Variants in SASH1 observed in about 807,000 individuals in gnomAD.
SASH1 encodes the protein SAM and SH3 domain containing 1.
SASH1 carries 44 observed loss-of-function variants against 125.2 expected under a neutral mutation model. The observed-to-expected ratio is 0.35, with a 90% CI of 0.28 to 0.45. The LOEUF is 0.45. Among genes scored for constraint, SASH1 ranks in the 20% least tolerant of loss-of-function variants. The probability of loss-of-function intolerance (pLI) is 1.00; values close to 1 mark genes in which losing one functional copy is unlikely to be tolerated. For missense variants in SASH1, 1,426 were observed against 1,614.5 expected, an observed-to-expected ratio of 0.88 and a Z score of 2.00; for synonymous variants, 639 against 649.1, an observed-to-expected ratio of 0.98 and a Z score of 0.24.
At chr6:148,211,120 C>A in the SASH1 span, among the ~76,000 whole-genome samples, 2 of 152,188 alleles carry the variant, frequency 1.3e-5, no homozygotes, top group African/African-American at 4.8e-5. Flanking sequence ...AGATATGCTA[C>A]CTACCTCAGA....
chr6:148,332,116 TCAC>T (rs1462770260), intron 1 of SASH1, among the ~76,000 whole-genome samples: 1 of 152,194 alleles, frequency 6.6e-6, no homozygotes, highest in African/African-American at 2.4e-5. Context: ...CCCACTTCTT[TCAC>T]CAAACACTCC....
At position 148,531,527 on chromosome 6, in the gene SASH1, A is replaced by G; in HGVS notation, c.1430A>G (p.Asp477Gly). ...TCATTTTGTTGAAACCCATGGCAGG[A>G]CTCGGGCCTTGATGGAATGCCTGGC... ...KKYSSSVSEQ[D>G]SGLDGMPGSP... The change falls in exon 13 of 20, where the codon GAC becomes GGC. Residue 477 changes from aspartate (D) to glycine (G), a missense_variant and splice_region_variant. Physicochemically the swap from Asp to Gly is moderately conservative, Grantham distance 94 (BLOSUM62 -1). Around this residue, in one of 3 missense-constraint regions of SASH1, gnomAD observed 225 missense variants for 344.5 expected, o/e 0.65. Transcript: ENST00000367467. The G allele has an allele frequency of 6.6e-7, 1 of 1,524,446 alleles. No individual in the cohort carries two copies. The highest frequency in any genetic ancestry group is 1.3e-5 in the South Asian group (1 of 77,832). The allele number at this position is 1,524,446 out of a possible 1,614,324, so 94.4% of individuals were successfully genotyped here. A position where few individuals can be genotyped will look rare whatever the true frequency, so the allele number is the denominator to read the frequency against.
At chr6:148,224,413 T>A in the SASH1 span, among the ~76,000 whole-genome samples, 10 of 151,536 alleles carry the variant, frequency 6.6e-5, no homozygotes, top group Non-Finnish European at 1.2e-4. Flanking sequence ...CGGGCTGGAG[T>A]GCAGTGGTGC....
At chr6:148,499,617 A>G (rs367910822) in intron 8 of SASH1, among the ~76,000 whole-genome samples, 8 of 152,294 alleles carry the variant, frequency 5.3e-5, no homozygotes, top group African/African-American at 1.7e-4. Context: ...GCCCCAGCAA[A>G]GAGGGTCTGG....
intron 1 of SASH1, among the ~76,000 whole-genome samples, chr6:148,318,602 G>A (rs1053386000): frequency 1.4e-5 from 2 of 145,824 alleles, no homozygotes; most frequent in Non-Finnish European, 3.0e-5. Flanking sequence ...GCCGAGGCTG[G>A]AGTGCAATGG....
chr6:148,346,579 C>T (rs1450786685), intron 1 of SASH1, among the ~76,000 whole-genome samples: 2 of 151,548 alleles, frequency 1.3e-5, no homozygotes, highest in Non-Finnish European at 2.9e-5. Flanking sequence ...CCTGACTTAA[C>T]TGGGTGCTGA....
intron 8 of SASH1, among the ~76,000 whole-genome samples, chr6:148,493,032 G>C (rs1365691138): frequency 2.0e-5 from 3 of 152,154 alleles, no homozygotes; most frequent in East Asian, 1.9e-4. Flanking sequence ...CCTCCTCTCA[G>C]AGCACGGTCT....
intron 2 of SASH1, among the ~76,000 whole-genome samples, chr6:148,428,667 A>G (rs1179154393): frequency 6.6e-6 from 1 of 150,546 alleles, no homozygotes; most frequent in Non-Finnish European, 1.5e-5. Flanking sequence ...ATACAGCAAA[A>G]GGCTCAATTA....
the SASH1 span, among the ~76,000 whole-genome samples, chr6:148,206,793 G>GCGCACACA: frequency 5.1e-4 from 69 of 134,566 alleles, no homozygotes; most frequent in African/African-American, 1.7e-3. Flanking sequence ...CCATCTCAAA[G>GCGCACACA]CACACACACA....
the SASH1 span, among the ~76,000 whole-genome samples, chr6:148,196,241 C>T: frequency 1.3e-5 from 2 of 152,228 alleles, no homozygotes; most frequent in African/African-American, 4.8e-5. Flanking sequence ...ATGCTTCTCT[C>T]AAAGAGGATA....
chr6:148,307,023 C>CT (rs1207823197), intron 1 of SASH1, among the ~76,000 whole-genome samples: 3 of 140,570 alleles, frequency 2.1e-5, no homozygotes, highest in Admixed American at 7.3e-5. Context: ...CTTTCTCTTT[C>CT]TTTTCTTTCT....
intron 4 of SASH1, among the ~76,000 whole-genome samples, chr6:148,466,406 G>A (rs1035445627): frequency 6.6e-6 from 1 of 152,208 alleles, no homozygotes; most frequent in African/African-American, 2.4e-5. Flanking sequence ...CCAGTGGTCA[G>A]CCCACACCAG....
chr6:148,326,726 C>T (rs559952619), intron 1 of SASH1, among the ~76,000 whole-genome samples: 35 of 152,150 alleles, frequency 2.3e-4, no homozygotes, highest in South Asian at 8.3e-4. Context: ...ATCACAGTAA[C>T]TGTTAAAACA....
chr6:148,290,200 A>T (rs74301760), intron 1 of SASH1, among the ~76,000 whole-genome samples: 7,785 of 151,644 alleles, frequency 0.051, 423 homozygotes, highest in East Asian at 0.27. Flanking sequence ...TTAATGAAAT[A>T]TTTAGTTTTT....
At chr6:148,345,437 A>T (rs1258788207) in intron 1 of SASH1, among the ~76,000 whole-genome samples, 3 of 152,190 alleles carry the variant, frequency 2.0e-5, no homozygotes, top group Non-Finnish European at 4.4e-5. Flanking sequence ...CAGGCTGGGA[A>T]GAACGTAAAG....
the SASH1 span, among the ~76,000 whole-genome samples, chr6:148,202,676 G>A: frequency 2.6e-5 from 4 of 152,222 alleles, no homozygotes; most frequent in African/African-American, 9.6e-5. Flanking sequence ...AATATAAGGT[G>A]AGGAGCAGTG....
intron 1 of SASH1, among the ~76,000 whole-genome samples, chr6:148,367,639 C>CTCTATCTGTATCTGGCCTATGCT (rs1782525257): frequency 6.6e-6 from 1 of 152,230 alleles, no homozygotes; most frequent in Non-Finnish European, 1.5e-5. Context: ...GAGGTGAAGC[C>CTCTATCTGTATCTGGCCTATGCT]TCTATCTGTA....
At chr6:148,301,458 G>A (rs1274690500) in intron 1 of SASH1, among the ~76,000 whole-genome samples, 15 of 152,052 alleles carry the variant, frequency 9.9e-5, no homozygotes, top group African/African-American at 3.1e-4. Flanking sequence ...TAGAGACAGG[G>A]TTTCGCCATG....
At chr6:148,467,732 T>G (rs535773354) in intron 4 of SASH1, among the ~76,000 whole-genome samples, 1 of 151,876 alleles carries the variant, frequency 6.6e-6, no homozygotes, top group South Asian at 2.1e-4. Flanking sequence ...AGGTCAGGAG[T>G]TCCAGACCAT....
Sources: allele counts gnomAD v4.1 joint callset (sites outside exome capture counted in the v4.1 genomes callset), GRCh38; gene constraint gnomAD v4.1.1; regional missense constraint gnomAD v4.1.1; transcripts MANE v1.5; gene names NCBI Gene and HGNC (gene_info 2026-07-23, HGNC 2026-07-21).